Variants in RBFOX1 observed in about 807,000 individuals in gnomAD.
RBFOX1 encodes RNA binding fox-1 homolog 1, also known as RNA binding protein fox-1 homolog 1.
RBFOX1 carries 8 observed loss-of-function variants against 57.7 expected under a neutral mutation model. The observed-to-expected ratio is 0.14, with a 90% CI of 0.08 to 0.25. RBFOX1 has a LOEUF of 0.25. Among genes scored for constraint, RBFOX1 ranks in the 10% least tolerant of loss-of-function variants. RBFOX1 has a pLI of 1.00. For synonymous variants in RBFOX1, 326 were observed against 222.4 expected, an observed-to-expected ratio of 1.47 and a Z score of -4.15; for missense variants, 611 against 548.5, an observed-to-expected ratio of 1.11 and a Z score of -1.14.
intron 1 of RBFOX1, among the ~76,000 whole-genome samples, chr16:5,323,952 G>C (rs1460073264): frequency 1.3e-5 from 2 of 152,194 alleles, no homozygotes; most frequent in Non-Finnish European, 2.9e-5. Flanking sequence ...TGTTATTTTT[G>C]GTGAGCTGTC....
intron 3 of RBFOX1, among the ~76,000 whole-genome samples, chr16:5,790,022 C>A (rs541140635): frequency 7.2e-4 from 110 of 152,326 alleles, no homozygotes; most frequent in African/African-American, 2.6e-3. Flanking sequence ...GATGTGTGAC[C>A]ATGACTGTGG....
At chr16:7,154,139 T>G (rs1165150214) in intron 4 of RBFOX1, among the ~76,000 whole-genome samples, 1 of 152,214 alleles carries the variant, frequency 6.6e-6, no homozygotes, top group Non-Finnish European at 1.5e-5. Context: ...CACATCATAG[T>G]TCATCATCCA....
intron 4 of RBFOX1, among the ~76,000 whole-genome samples, chr16:7,510,605 T>C (rs2074819831): frequency 1.3e-5 from 2 of 152,204 alleles, no homozygotes; most frequent in African/African-American, 2.4e-5. Context: ...CTTTTGCATT[T>C]TTCTTCTTTG....
At chr16:7,208,895 C>G (rs2090536717) in intron 4 of RBFOX1, among the ~76,000 whole-genome samples, 2 of 151,980 alleles carry the variant, frequency 1.3e-5, no homozygotes, top group Admixed American at 6.6e-5. Flanking sequence ...ACTAAGAGAG[C>G]AAGAATTCAC....
chr16:6,941,868 T>G (rs2078591496), intron 3 of RBFOX1, among the ~76,000 whole-genome samples: 1 of 152,048 alleles, frequency 6.6e-6, no homozygotes, highest in African/African-American at 2.4e-5. Context: ...GTGCAGTAAG[T>G]GCAATCATAA....
chr16:6,795,488 C>T (rs9928088), intron 3 of RBFOX1, among the ~76,000 whole-genome samples: 24,460 of 152,098 alleles, frequency 0.16, 2,366 homozygotes, highest in East Asian at 0.36. Context: ...ACATTGTTGG[C>T]TGCGCACGTT....
At chr16:7,597,834 C>G (rs1008988931) in intron 9 of RBFOX1, among the ~76,000 whole-genome samples, 4 of 152,158 alleles carry the variant, frequency 2.6e-5, no homozygotes, top group East Asian at 1.9e-4. Context: ...TTTATTCTGT[C>G]TTTGAGTCTT....
intron 2 of RBFOX1, among the ~76,000 whole-genome samples, chr16:5,508,186 T>G (rs2043444779): frequency 6.6e-6 from 1 of 152,206 alleles, no homozygotes; most frequent in Non-Finnish European, 1.5e-5. Context: ...TTTAGCTGCA[T>G]CATCTGCTTC....
intron 4 of RBFOX1, among the ~76,000 whole-genome samples, chr16:7,237,531 G>T (rs60290466): frequency 0.011 from 1,664 of 152,308 alleles, 24 homozygotes; most frequent in African/African-American, 0.038. Context: ...TGAGAAAAGT[G>T]AAAAGCAAAG....
rs894748853 is a variant in RBFOX1 at position 6,019,167 on chromosome 16, T to G, written c.-952T>G. On this transcript the variant is annotated 5_prime_UTR_variant, in exon 1 of 16. Transcript: ENST00000550418. The surrounding 1 kb of genome is among the most constrained non-coding windows in gnomAD (Gnocchi z 4.2). The stretch of plus-strand genomic sequence containing the variant: ...TTTGTTTATTTTCTAATCTATATTT[T>G]TACTGGAAGATTTCCTCTTTATTCT... 2.0e-6 allele frequency: 2 copies of G among 985,310 alleles called. No homozygotes were observed. Among genetic ancestry groups the G allele is most frequent in the African/African-American group, 1.7e-5 (1 of 57,290 alleles). The allele number at this position is 985,310 out of a possible 1,614,324, so 61.0% of individuals were successfully genotyped here.
intron 3 of RBFOX1, among the ~76,000 whole-genome samples, chr16:6,983,407 A>T (rs377029964): frequency 6.6e-6 from 1 of 150,968 alleles, no homozygotes; most frequent in Non-Finnish European, 1.5e-5. Flanking sequence ...CGAGAATGAT[A>T]TAATTATCTA....
chr16:6,973,035 G>A (rs1214816445), intron 3 of RBFOX1, among the ~76,000 whole-genome samples: 1 of 152,154 alleles, frequency 6.6e-6, no homozygotes, highest in African/African-American at 2.4e-5. Flanking sequence ...GGAGGCTGAG[G>A]AAGTAGAATC....
intron 6 of RBFOX1, 130 bp downstream of exon 6, chr16:7,580,050 A>G (rs777851081): frequency 8.2e-6 from 8 of 970,288 alleles, no homozygotes; most frequent in Non-Finnish European, 1.2e-5. Context: ...TTTAGAGCCT[A>G]GTCTGCAGGT....
intron 3 of RBFOX1, among the ~76,000 whole-genome samples, chr16:6,688,643 T>TTTA (rs1183400022): frequency 6.6e-6 from 1 of 152,110 alleles, no homozygotes; most frequent in Non-Finnish European, 1.5e-5. Flanking sequence ...TATTCTTTAT[T>TTTA]TTATTATTAT....
chr16:6,541,040 A>C (rs946900218), intron 2 of RBFOX1, among the ~76,000 whole-genome samples: 1 of 152,184 alleles, frequency 6.6e-6, no homozygotes, highest in Non-Finnish European at 1.5e-5. Flanking sequence ...ATAAAGAGGG[A>C]TCCTAGGATA....
At chr16:5,592,402 C>G (rs1030319807) in intron 2 of RBFOX1, among the ~76,000 whole-genome samples, 5 of 151,200 alleles carry the variant, frequency 3.3e-5, no homozygotes, top group Admixed American at 6.6e-5. Context: ...CACTACCACT[C>G]TGAGATTATA....
chr16:5,390,696 A>C (rs539859127), intron 1 of RBFOX1, among the ~76,000 whole-genome samples: 1 of 152,048 alleles, frequency 6.6e-6, no homozygotes, highest in African/African-American at 2.4e-5. Flanking sequence ...CTACCCCTCT[A>C]CCCCATCTCC....
intron 4 of RBFOX1, among the ~76,000 whole-genome samples, chr16:5,964,548 T>C (rs760509585): frequency 6.6e-6 from 1 of 152,140 alleles, no homozygotes; most frequent in Non-Finnish European, 1.5e-5. Flanking sequence ...TACATAGATA[T>C]ATATGTATAT....
At chr16:7,102,507 A>G (rs2062861986) in intron 4 of RBFOX1, among the ~76,000 whole-genome samples, 1 of 152,210 alleles carries the variant, frequency 6.6e-6, no homozygotes, top group Non-Finnish European at 1.5e-5. Context: ...AGTAGATCTT[A>G]TTACTGATGT....
Sources: allele counts gnomAD v4.1 joint callset (sites outside exome capture counted in the v4.1 genomes callset), GRCh38; gene constraint gnomAD v4.1.1; non-coding constraint Gnocchi (gnomAD v3.1); transcripts MANE v1.5; gene names NCBI Gene and HGNC (gene_info 2026-07-23, HGNC 2026-07-21).